The following FOXK1 variants were observed in gnomAD, a reference collection of about 807,000 sequenced individuals.
The protein encoded by FOXK1 is forkhead box protein K1.
A neutral mutation model predicts 51.9 loss-of-function variants in FOXK1; 19 were observed. The ratio of observed to expected loss-of-function variants is 0.37; its 90% confidence interval spans 0.26 to 0.54. The LOEUF (loss-of-function observed/expected upper bound fraction) is 0.54, where lower values mean the gene tolerates loss of function less well. Ranked by LOEUF, FOXK1 falls within the 20% of genes least tolerant of loss-of-function variation. The probability of loss-of-function intolerance (pLI) is 0.87; values close to 1 mark genes in which losing one functional copy is unlikely to be tolerated. For missense variants in FOXK1, 870 were observed against 1,032.7 expected (o/e 0.84, Z 2.16); for synonymous variants, 537 against 482.6 (o/e 1.11, Z -1.48).
intron 1 of FOXK1, among the ~76,000 whole-genome samples, chr7:4,691,683 G>A (rs1431370414): frequency 1.3e-5 from 2 of 152,118 alleles, no homozygotes; most frequent in Non-Finnish European, 2.9e-5. Flanking sequence ...TCTGCCCTCA[G>A]TACTGCATTT....
In FOXK1 at chr7:4,682,669, C is replaced by T. The variant is rs761489465; in HGVS notation, c.361C>T (p.Pro121Ser). 1 of 1,591,838 alleles carries T rather than the reference C, an allele frequency of 6.3e-7. No homozygotes were observed. The highest frequency in any genetic ancestry group is 8.5e-7 in the Non-Finnish European group (1 of 1,174,442). The change falls in exon 1 of 9, where the codon CCC becomes TCC. Residue 121 changes from proline (P) to serine (S), a missense_variant. Pro to Ser is a moderately conservative substitution (Grantham distance 74). This residue lies in a region of FOXK1 where 399 missense variants were observed against 475.6 expected (regional missense o/e 0.84). Coordinates refer to ENST00000328914, the MANE Select transcript of FOXK1 (RefSeq NM_001037165.2). The surrounding 1 kb of genome is among the most constrained non-coding windows in gnomAD (Gnocchi z 7.6). ...GREFEFLMRQ[P>S]SVTIGRNSSQ... is the part of the protein sequence containing the mutation. ...CGAGTTCGAGTTCCTCATGCGCCAG[C>T]CCAGCGTCACCATCGGCCGCAACTC... is the stretch of plus-strand genomic sequence containing the variant.
In FOXK1 at chr7:4,734,766, G is replaced by A. The variant is rs763219469; in HGVS notation, c.561-6072G>A. The stretch of plus-strand genomic sequence containing the variant: ...TTCAGGTCGCAAGGCTATTTTTGGC[G>A]TGAGATGTCACTGTCTGCCGCTTCT... On this transcript the variant is annotated intron_variant, in intron 1 of 8. Coordinates refer to ENST00000328914, the MANE Select transcript of FOXK1 (RefSeq NM_001037165.2). The surrounding 1 kb of genome is among the most constrained non-coding windows in gnomAD (Gnocchi z 5.2). Among the ~76,000 whole-genome samples the A allele has an allele frequency of 1.3e-5, 2 of 152,180 alleles. No individual in the cohort carries two copies. The highest frequency in any genetic ancestry group is 6.5e-5 in the Admixed American group (1 of 15,278).
At position 4,760,941 on chromosome 7, in the gene FOXK1, C is replaced by G. The variant is rs1332201646; in HGVS notation, c.1697-123C>G. ...TTTCACCCATGGGATTTTCCTCTAG[C>G]AAACCTATTTTTTCCCAGTGCCGAC... is the stretch of plus-strand genomic sequence containing the variant. On this transcript the variant is annotated intron_variant, in intron 7 of 8. Coordinates refer to ENST00000328914, the MANE Select transcript of FOXK1 (RefSeq NM_001037165.2). 3 of 847,454 alleles carry G rather than the reference C, an allele frequency of 3.5e-6. No individual in the cohort carries two copies. In the African/African-American group the frequency reaches 5.0e-5, roughly 14 times the overall value. 52.5% of individuals were successfully genotyped at this position (847,454 alleles called of 1,614,324 possible). A position where few individuals can be genotyped will look rare whatever the true frequency, so the allele number is the denominator to read the frequency against.
chr7:4,743,204 G>A lies in FOXK1; in HGVS notation c.746+2181G>A, dbSNP rs1380072220. Among the ~76,000 whole-genome samples, 1 of 152,236 alleles carries A rather than the reference G, an allele frequency of 6.6e-6. No homozygotes were observed. Among genetic ancestry groups the A allele is most frequent in the Non-Finnish European group, 1.5e-5 (1 of 68,044 alleles). On this transcript the variant is annotated intron_variant, in intron 2 of 8. Transcript: ENST00000328914. This position sits in a 1 kb window ranked among gnomAD's most constrained non-coding sequence, Gnocchi z 5.3. Reference sequence around the variant, plus strand: ...TCCATACAGCTTTGAGAATGTTCCAGAAGTAGATAGTGGTGATGGTTATTC... The same window carrying A: ...TCCATACAGCTTTGAGAATGTTCCAAAAGTAGATAGTGGTGATGGTTATTC...
chr7:4,718,175 C>T (rs1338794631), intron 1 of FOXK1, among the ~76,000 whole-genome samples: 1 of 152,196 alleles, frequency 6.6e-6, no homozygotes, highest in Admixed American at 6.5e-5. Flanking sequence ...CCTCCTCCGA[C>T]GCGTCCATCA....
Position 4,723,922 on chromosome 7 carries a change from C to T in FOXK1, c.561-16916C>T, listed in dbSNP as rs1277936141. ...CTAGGCTCAAGCGATCCTCCTACCT[C>T]AGCTTCCCAAAGTGCTGGGATTACA... On this transcript the variant is annotated intron_variant, in intron 1 of 8. Transcript: ENST00000328914. The surrounding 1 kb of genome is among the most constrained non-coding windows in gnomAD (Gnocchi z 4.7). Among the ~76,000 whole-genome samples, 2 of 152,210 alleles carry T rather than the reference C, an allele frequency of 1.3e-5. No individual in the cohort carries two copies. Among genetic ancestry groups the T allele is most frequent in the African/African-American group, 2.4e-5 (1 of 41,446 alleles).
chr7:4,741,323 GTTTT>G (rs67202438), intron 2 of FOXK1, among the ~76,000 whole-genome samples: 5 of 150,496 alleles, frequency 3.3e-5, no homozygotes, highest in East Asian at 1.9e-4. Context: ...CGTTGAAAAT[GTTTT>G]TTTTTTGTTT....
At chr7:4,751,115 T>A (rs1395460485) in intron 2 of FOXK1, among the ~76,000 whole-genome samples, 1 of 148,544 alleles carries the variant, frequency 6.7e-6, no homozygotes, top group Non-Finnish European at 1.5e-5. Flanking sequence ...CCCAGGTTCA[T>A]GCCATTCTCC....
intron 1 of FOXK1, among the ~76,000 whole-genome samples, chr7:4,712,083 T>C (rs573712885): frequency 6.6e-6 from 1 of 152,156 alleles, no homozygotes; most frequent in South Asian, 2.1e-4. Context: ...TCTCTCACTT[T>C]TTATCCATCA....
intron 2 of FOXK1, among the ~76,000 whole-genome samples, chr7:4,741,788 G>C (rs146116575): frequency 6.6e-6 from 1 of 152,320 alleles, no homozygotes; most frequent in African/African-American, 2.4e-5. Context: ...ACAATGATGA[G>C]CCCCTGAGTA....
rs542664535 is a variant in FOXK1, at chr7:4,758,400, G to A, written c.1245-651G>A. The A allele has an allele frequency of 7.2e-5, 11 of 152,438 alleles. No individual in the cohort carries two copies. Among genetic ancestry groups the A allele is most frequent in the African/African-American group, 1.9e-4 (8 of 41,574 alleles). 9.4% of individuals were successfully genotyped at this position (152,438 alleles called of 1,614,324 possible). On this transcript the variant is annotated intron_variant, in intron 5 of 8. Coordinates refer to ENST00000328914, the MANE Select transcript of FOXK1 (RefSeq NM_001037165.2). This position sits in a 1 kb window ranked among gnomAD's most constrained non-coding sequence, Gnocchi z 4.4. ...ATCAGATGAGCCCGTCCCAGGTGTC[G>A]AGGAGGAGATCTCCTGAGCGGCAGT...
chr7:4,740,919 G>A lies in FOXK1; in HGVS notation c.642G>A (p.Pro214=), dbSNP rs113079132. 3.8e-5 allele frequency: 61 copies of A among 1,585,706 alleles called. No individual in the cohort carries two copies. Among genetic ancestry groups the A allele is most frequent in the African/African-American group, 9.6e-5 (7 of 72,858 alleles). ...LYHKEEAPAS[P]LRPLYPQISP... ...ACAAAGAAGAGGCCCCAGCCTCCCC[G>A]CTGCGGCCACTGTACCCCCAGATCT... The change falls in exon 2 of 9, where the codon CCG becomes CCA. Residue 214 remains proline, a synonymous_variant. Coordinates refer to ENST00000328914, the MANE Select transcript of FOXK1 (RefSeq NM_001037165.2).
intron 5 of FOXK1, among the ~76,000 whole-genome samples, chr7:4,757,704 A>G (rs1478209290): frequency 6.6e-6 from 1 of 150,904 alleles, no homozygotes; most frequent in Non-Finnish European, 1.5e-5. Context: ...ACAGCTGTTT[A>G]CATAGCAGGT....
Position 4,743,029 on chromosome 7 carries a change from C to T in FOXK1, c.746+2006C>T, listed in dbSNP as rs971855944. On this transcript the variant is annotated intron_variant, in intron 2 of 8. Transcript: ENST00000328914. This position sits in a 1 kb window ranked among gnomAD's most constrained non-coding sequence, Gnocchi z 5.3. ...ACTCTGTGCGGTCACTTCAGCCCCC[C>T]ACCTTCCCGGGCCCGGTTCCCGTCT... Among the ~76,000 whole-genome samples the T allele has an allele frequency of 1.3e-5, 2 of 152,204 alleles. No homozygotes were observed. The highest frequency in any genetic ancestry group is 1.3e-4 in the Admixed American group (2 of 15,282).
At position 4,682,377 on chromosome 7, in the gene FOXK1, A is replaced by C. The variant is rs112998729; in HGVS notation, c.69A>C (p.Pro23=). ...LLALRSAPCS[P]VLCAAAAAAA... ...CGCTGCGCTCGGCGCCCTGCAGCCCAGTGCTGTGCGCCGCAGCCGCCGCCG... is the reference window on the plus strand; with the variant it reads ...CGCTGCGCTCGGCGCCCTGCAGCCCCGTGCTGTGCGCCGCAGCCGCCGCCG... Residue 23 remains proline (P), a synonymous_variant, in exon 1 of 9, where the codon CCA becomes CCC. Coordinates refer to ENST00000328914, the MANE Select transcript of FOXK1 (RefSeq NM_001037165.2). This position sits in a 1 kb window ranked among gnomAD's most constrained non-coding sequence, Gnocchi z 7.6. The C allele has an allele frequency of 4.0e-3, 3,967 of 982,650 alleles. 14 individuals carry two copies. The highest frequency in any genetic ancestry group is 5.5e-3 in the Admixed American group (86 of 15,742). The allele number at this position is 982,650 out of a possible 1,614,324, so 60.9% of individuals were successfully genotyped here. A position where few individuals can be genotyped will look rare whatever the true frequency, so the allele number is the denominator to read the frequency against.
At chr7:4,700,133 A>C (rs1405297847) in intron 1 of FOXK1, among the ~76,000 whole-genome samples, 1 of 152,154 alleles carries the variant, frequency 6.6e-6, no homozygotes, top group Non-Finnish European at 1.5e-5. Context: ...GCACTGCAGC[A>C]CCCCACGGCA....
At chr7:4,737,485 GGCGTGTGCGTGGGT>G (rs1780568698) in intron 1 of FOXK1, among the ~76,000 whole-genome samples, 2 of 150,530 alleles carry the variant, frequency 1.3e-5, no homozygotes, top group Admixed American at 6.6e-5. Context: ...CGTGGGTGTG[GGCGTGTGCGTGGGT>G]GTGTGGGCGT....
Position 4,759,896 on chromosome 7 carries a change from T to C in FOXK1, c.1696+301T>C, listed in dbSNP as rs1188726055. 5 of 488,014 alleles carry C rather than the reference T, an allele frequency of 1.0e-5. No homozygotes were observed. In the East Asian group the frequency reaches 1.9e-4, roughly 18 times the overall value. 30.2% of individuals were successfully genotyped at this position (488,014 alleles called of 1,614,324 possible). A position where few individuals can be genotyped will look rare whatever the true frequency, so the allele number is the denominator to read the frequency against. Reference sequence around the variant, plus strand: ...AAATACAAAAATTAGCCAGGCATGATGATGCGCTCCTGTAGTCCCAGCTAC... The same window carrying C: ...AAATACAAAAATTAGCCAGGCATGACGATGCGCTCCTGTAGTCCCAGCTAC... On this transcript the variant is annotated intron_variant, in intron 7 of 8. Coordinates refer to ENST00000328914, the MANE Select transcript of FOXK1 (RefSeq NM_001037165.2).
rs1780510978 is a variant in FOXK1, at chr7:4,733,672, C to T, written c.561-7166C>T. Among the ~76,000 whole-genome samples the T allele has an allele frequency of 6.6e-6, 1 of 152,216 alleles. No individual in the cohort carries two copies. Among genetic ancestry groups the T allele is most frequent in the South Asian group, 2.1e-4 (1 of 4,832 alleles). ...GGGAACTACAGCCTCAGCCACAGTC[C>T]AGGAAGCTGCCCAGTGCCCACATGG... On this transcript the variant is annotated intron_variant, in intron 1 of 8. Transcript: ENST00000328914. This position sits in a 1 kb window ranked among gnomAD's most constrained non-coding sequence, Gnocchi z 5.0.
Sources: gnomAD v4.1 joint callset for allele counts (sites outside exome capture counted in the v4.1 genomes callset) on GRCh38, gnomAD v4.1.1 for gene constraint, gnomAD v4.1.1 regional missense constraint, Gnocchi (gnomAD v3.1) non-coding constraint, MANE v1.5 for transcripts, NCBI Gene and HGNC (gene_info 2026-07-23, HGNC 2026-07-21) for gene names.